TMEM51: variants seen among roughly 807,000 people sequenced by gnomAD.
TMEM51 encodes transmembrane protein 51, also known as chromosome 1 open reading frame 72.
TMEM51 carries 8 observed loss-of-function variants against 13.6 expected under a neutral mutation model. The observed-to-expected ratio is 0.59, with a 90% CI of 0.35 to 1.07. The LOEUF is 1.07. Among genes scored for constraint, TMEM51 ranks in the 50% least tolerant of loss-of-function variants. The pLI is 0.02. For missense variants in TMEM51, 279 were observed against 330.7 expected (o/e 0.84, Z 1.21); for synonymous variants, 147 against 144.4 (o/e 1.02, Z -0.13).
intron 1 of TMEM51, among the ~76,000 whole-genome samples, chr1:15,201,241 A>G (rs1644150166): frequency 6.6e-6 from 1 of 152,220 alleles, no homozygotes; most frequent in Non-Finnish European, 1.5e-5. Flanking sequence ...AAGTTTAAGC[A>G]TGGTAATAAA....
intron 1 of TMEM51, among the ~76,000 whole-genome samples, chr1:15,168,999 T>C (rs571094814): frequency 1.3e-5 from 2 of 152,160 alleles, no homozygotes; most frequent in Non-Finnish European, 2.9e-5. Context: ...CTACATACAG[T>C]GCAAACTACC....
intron 1 of TMEM51, among the ~76,000 whole-genome samples, chr1:15,209,152 C>T (rs1344438834): frequency 6.6e-6 from 1 of 152,018 alleles, no homozygotes. Flanking sequence ...TCACTACAGG[C>T]TTTACCTCCT....
chr1:15,218,783 A>G (rs1644466443), intron 3 of TMEM51, among the ~76,000 whole-genome samples: 1 of 152,136 alleles, frequency 6.6e-6, no homozygotes, highest in African/African-American at 2.4e-5. Context: ...ATCCCTTTCC[A>G]TGGTAACGAC....
At chr1:15,210,224 T>G (rs552984714) in intron 1 of TMEM51, among the ~76,000 whole-genome samples, 1 of 152,326 alleles carries the variant, frequency 6.6e-6, no homozygotes, top group South Asian at 2.1e-4. Flanking sequence ...CCTCTGATAT[T>G]CTCTGGAGCA....
chr1:15,196,354 C>T (rs1054613999), intron 1 of TMEM51, among the ~76,000 whole-genome samples: 2 of 151,990 alleles, frequency 1.3e-5, no homozygotes, highest in African/African-American at 4.8e-5. Context: ...AGCGATGGGC[C>T]GTGGCAATCA....
At chr1:15,194,917 C>CTTTTTTTTTTTTTTTTTTTTTTTTTTTT (rs34885407) in intron 1 of TMEM51, among the ~76,000 whole-genome samples, 1 of 93,484 alleles carries the variant, frequency 1.1e-5, no homozygotes, top group Non-Finnish European at 2.0e-5. Flanking sequence ...TATAATTTTA[C>CTTTTTTTTTTTTTTTTTTTTTTTTTTTT]TTTTTTTTTT....
intron 1 of TMEM51, among the ~76,000 whole-genome samples, chr1:15,170,765 G>T (rs1386656834): frequency 6.6e-6 from 1 of 151,762 alleles, no homozygotes; most frequent in Admixed American, 6.6e-5. Context: ...GTCTCCCTCT[G>T]TCGCCCAGGC....
At chr1:15,193,571 CTTTCTT>C (rs776878032) in intron 1 of TMEM51, among the ~76,000 whole-genome samples, 2 of 80,614 alleles carry the variant, frequency 2.5e-5, no homozygotes, top group African/African-American at 1.1e-4. Flanking sequence ...TCTTTTCTTT[CTTTCTT>C]TTTTTTTTTT....
At chr1:15,157,662 G>C (rs796694265) in intron 1 of TMEM51, among the ~76,000 whole-genome samples, 7 of 152,270 alleles carry the variant, frequency 4.6e-5, no homozygotes, top group African/African-American at 1.4e-4. Context: ...GAAAGATGAG[G>C]TGTGCACATT....
At chr1:15,208,957 T>C (rs971651866) in intron 1 of TMEM51, among the ~76,000 whole-genome samples, 2 of 152,192 alleles carry the variant, frequency 1.3e-5, no homozygotes, top group Non-Finnish European at 2.9e-5. Context: ...ATAAGATATA[T>C]GTGAATTGTA....
At chr1:15,175,926 C>T (rs1643444147) in intron 1 of TMEM51, among the ~76,000 whole-genome samples, 1 of 152,232 alleles carries the variant, frequency 6.6e-6, no homozygotes, top group South Asian at 2.1e-4. Context: ...CCCCAGTCTG[C>T]TGCCACCGTG....
intron 1 of TMEM51, among the ~76,000 whole-genome samples, chr1:15,188,042 A>G (rs1013386232): frequency 6.6e-6 from 1 of 152,124 alleles, no homozygotes; most frequent in Non-Finnish European, 1.5e-5. Context: ...TTGGTCACTT[A>G]TTTCATTTAA....
At chr1:15,158,966 A>G (rs1486496136) in intron 1 of TMEM51, among the ~76,000 whole-genome samples, 2 of 152,182 alleles carry the variant, frequency 1.3e-5, no homozygotes, top group East Asian at 1.9e-4. Context: ...ATGTGCACTG[A>G]GTCACTAGGT....
chr1:15,160,106 C>T (rs926689271), intron 1 of TMEM51, among the ~76,000 whole-genome samples: 8 of 152,096 alleles, frequency 5.3e-5, no homozygotes, highest in Non-Finnish European at 7.4e-5. Flanking sequence ...ATGTCTTTTC[C>T]ATGTTTTTCT....
At chr1:15,204,697 C>CA (rs780341925) in intron 1 of TMEM51, among the ~76,000 whole-genome samples, 6 of 152,362 alleles carry the variant, frequency 3.9e-5, no homozygotes, top group Middle Eastern at 3.4e-3. Flanking sequence ...CTCTGTGCCT[C>CA]AGCGTATTCC....
At chr1:15,168,958 T>A (rs1643136493) in intron 1 of TMEM51, among the ~76,000 whole-genome samples, 1 of 152,196 alleles carries the variant, frequency 6.6e-6, no homozygotes, top group South Asian at 2.1e-4. Flanking sequence ...AACAGTTCTA[T>A]GTTAGGGAAA....
At chr1:15,167,328 A>C (rs895481292) in intron 1 of TMEM51, among the ~76,000 whole-genome samples, 388 of 28,166 alleles carry the variant, frequency 0.014, 22 homozygotes, top group Middle Eastern at 0.028. Flanking sequence ...CTCCATCTCA[A>C]AAAAAAAAAA....
At position 15,194,986 on chromosome 1, in the gene TMEM51, G is replaced by A. The variant is rs1428093308; in HGVS notation, c.-266-15504G>A. Among the ~76,000 whole-genome samples, 6 of 146,928 alleles carry A rather than the reference G, an allele frequency of 4.1e-5. No individual in the cohort carries two copies. The East Asian group carries it at 9.9e-4, about 24-fold the overall frequency. On this transcript the variant is annotated intron_variant, in intron 1 of 3. Coordinates refer to ENST00000376008, the MANE Select transcript of TMEM51 (RefSeq NM_001136218.2). Reference sequence around the variant, plus strand: ...GTCACCCAGGCTGGAGTGCAATGGCGCGATCTCATCTCACTGCAACCTCCA... The same window carrying A: ...GTCACCCAGGCTGGAGTGCAATGGCACGATCTCATCTCACTGCAACCTCCA...
intron 1 of TMEM51, among the ~76,000 whole-genome samples, chr1:15,164,004 A>AT (rs1642895592): frequency 1.3e-5 from 2 of 151,698 alleles, no homozygotes; most frequent in Admixed American, 1.3e-4. Flanking sequence ...TAATTTTTGT[A>AT]TTTTTAGTAG....
Sources: allele counts gnomAD v4.1 joint callset (sites outside exome capture counted in the v4.1 genomes callset), GRCh38; gene constraint gnomAD v4.1.1; transcripts MANE v1.5; gene names NCBI Gene and HGNC (gene_info 2026-07-23, HGNC 2026-07-21).